The following CFAP57 variants were observed in gnomAD, a reference collection of about 807,000 sequenced individuals.
CFAP57 encodes the protein cilia and flagella associated protein 57.
In CFAP57, 116 loss-of-function variants were observed where a neutral mutation model predicts 146.8. The observed-to-expected ratio is 0.79, with a 90% CI of 0.68 to 0.92. The LOEUF (loss-of-function observed/expected upper bound fraction) is 0.92. CFAP57 is among the 40% of genes least tolerant of loss of function. The pLI is 0.00. For synonymous variants in CFAP57, 518 were observed against 552.8 expected (o/e 0.94, Z 0.88); for missense variants, 1,377 against 1,527.2 (o/e 0.90, Z 1.64).
At chr1:43,226,018 T>C (rs1236807780) in intron 17 of CFAP57, among the ~76,000 whole-genome samples, 3 of 151,830 alleles carry the variant, frequency 2.0e-5, no homozygotes, top group Non-Finnish European at 4.4e-5. Context: ...ACCAAAAATA[T>C]AAAAATTAGC....
intron 1 of CFAP57, 92 bp from the exon 2 acceptor site, chr1:43,172,643 A>T: frequency 1.1e-6 from 1 of 935,596 alleles, no homozygotes; most frequent in South Asian, 1.3e-5. Context: ...CAAGGGGAGG[A>T]GCAAAGGGCG....
intron 5 of CFAP57, 30 bp downstream of exon 5, chr1:43,185,386 A>C: frequency 1.9e-6 from 3 of 1,594,376 alleles, no homozygotes; most frequent in South Asian, 1.1e-5. Flanking sequence ...AAGAAGTAAA[A>C]TGGGGGTCCT....
intron 11 of CFAP57, among the ~76,000 whole-genome samples, chr1:43,212,918 C>T (rs11210813): frequency 0.68 from 98,620 of 144,124 alleles, 35,962 homozygotes; most frequent in Non-Finnish European, 0.83. Flanking sequence ...GCCTGGGCAA[C>T]ATAGCAGACT....
chr1:43,232,648 A>G, intron 19 of CFAP57, 24 bp downstream of exon 19: 1 of 1,490,802 alleles, frequency 6.7e-7, no homozygotes, highest in Non-Finnish European at 9.0e-7. Flanking sequence ...AGAGTCTGGC[A>G]GTTCTTGGAT....
intron 21 of CFAP57, among the ~76,000 whole-genome samples, chr1:43,236,053 G>T (rs1570299931): frequency 7.4e-6 from 1 of 134,960 alleles, no homozygotes; most frequent in Admixed American, 7.7e-5. Context: ...CTGGGCCAGG[G>T]TGGGGTAGAA....
In CFAP57 at chr1:43,234,562, G is replaced by A; in HGVS notation, c.3329G>A (p.Arg1110Lys). The change falls in exon 21 of 23, where the codon AGG becomes AAG. Residue 1110 changes from arginine to lysine, a missense_variant. Physicochemically the swap from Arg to Lys is conservative, Grantham distance 26. Transcript: ENST00000372492. ...EYTRQREHLE[R>K]NLATLKKKVV... ...ACCCGGCAGCGGGAGCACCTGGAGAGGAACCTGGCCACTCTCAAGAAGAAG... is the reference window on the plus strand; with the variant it reads ...ACCCGGCAGCGGGAGCACCTGGAGAAGAACCTGGCCACTCTCAAGAAGAAG... 5 of 1,550,504 alleles carry A rather than the reference G, an allele frequency of 3.2e-6. No homozygotes were observed. The highest frequency in any genetic ancestry group is 4.4e-6 in the Non-Finnish European group (5 of 1,146,966).
In CFAP57 at chr1:43,183,933, C is replaced by G. The variant is rs892097494; in HGVS notation, c.761+56C>G. On this transcript the variant is annotated intron_variant, in intron 4 of 22. Coordinates refer to ENST00000372492, the MANE Select transcript of CFAP57 (RefSeq NM_001378189.1). ...CATTCATTGTACTGACAGCATTATG[C>G]AGAAGACAGCACTCTTTAGAAACCA... 3.1e-5 allele frequency: 50 copies of G among 1,605,282 alleles called. No homozygotes were observed. In the African/African-American group the frequency reaches 5.1e-4, roughly 16 times the overall value.
rs1236569103 is a variant in CFAP57, at chr1:43,185,004, C to T, written c.762-145C>T. The T allele has an allele frequency of 2.0e-5, 18 of 880,364 alleles. No individual in the cohort carries two copies. The East Asian group carries it at 4.4e-4, about 21-fold the overall frequency. The allele number at this position is 880,364 out of a possible 1,614,324, so 54.5% of individuals were successfully genotyped here. A position where few individuals can be genotyped will look rare whatever the true frequency, so the allele number is the denominator to read the frequency against. ...GTGCAGTTTGTGTACGGTTCCCAAG[C>T]CAAAGGGTAGTATTTGACTGTGGAA... On this transcript the variant is annotated intron_variant, in intron 4 of 22. Transcript: ENST00000372492.
chr1:43,247,943 G>C (rs1405284386), intron 22 of CFAP57, among the ~76,000 whole-genome samples: 1 of 151,974 alleles, frequency 6.6e-6, no homozygotes, highest in Non-Finnish European at 1.5e-5. Context: ...GGCTAACATG[G>C]TGAAACCCTG....
At chr1:43,187,344 G>A in intron 6 of CFAP57, among the ~76,000 whole-genome samples, 1 of 152,108 alleles carries the variant, frequency 6.6e-6, no homozygotes, top group East Asian at 1.9e-4. Flanking sequence ...ACAATTTTAA[G>A]TTTGCATGTA....
chr1:43,211,543 C>A (rs562607870), intron 11 of CFAP57: 1 of 145,402 alleles, frequency 6.9e-6, no homozygotes, highest in East Asian at 2.0e-4. Context: ...CCACTACACT[C>A]CAGCCTGGGC....
Position 43,219,457 on chromosome 1 carries a change from G to A in CFAP57, c.2167G>A (p.Asp723Asn). Residue 723 changes from aspartate to asparagine, a missense_variant, in exon 13 of 23, where the codon GAC (aspartate) becomes AAC (asparagine). Coordinates refer to ENST00000372492, the MANE Select transcript of CFAP57 (RefSeq NM_001378189.1). ...MENEYQLRLK[D>N]MNYSEKIKEL... ...GAATGAGTATCAACTCCGACTAAAG[G>A]ACATGAACTATTCTGAGAAGATTAA... 6.4e-7 allele frequency: 1 copy of A among 1,550,566 alleles called. No homozygotes were observed.
Position 43,209,783 on chromosome 1 carries a change from C to A in CFAP57, c.1796C>A (p.Ala599Asp). 1 of 1,614,190 alleles carries A rather than the reference C, an allele frequency of 6.2e-7. No homozygotes were observed. Among genetic ancestry groups the A allele is most frequent in the Non-Finnish European group, 8.5e-7 (1 of 1,180,042 alleles). Reference protein sequence around the residue: ...EISAFDVTYTAIVISHSGRMM... With the variant: ...EISAFDVTYTDIVISHSGRMM... ...TCGGCGTTTGATGTCACCTACACCG[C>A]CATTGTCATCTCGCATTCTGGACGC... The change falls in exon 11 of 23, where the codon GCC becomes GAC. Residue 599 changes from alanine (A) to aspartate (D), a missense_variant. Coordinates refer to ENST00000372492, the MANE Select transcript of CFAP57 (RefSeq NM_001378189.1).
intron 6 of CFAP57, among the ~76,000 whole-genome samples, chr1:43,187,819 T>C (rs1049713697): frequency 6.6e-6 from 1 of 152,192 alleles, no homozygotes; most frequent in African/African-American, 2.4e-5. Flanking sequence ...TTGTTGTTGT[T>C]TTGAGACAGG....
Position 43,197,620 on chromosome 1 carries a change from C to A in CFAP57, c.1190C>A (p.Thr397Asn). ...LHSAPITGLA[T>N]CIRKPLIATC... ...TCAGCACCCATCACCGGTCTAGCTA[C>A]CTGCATCCGCAAACCCCTTATAGCC... The change falls in exon 7 of 23, where the codon ACC becomes AAC. Residue 397 changes from threonine to asparagine, a missense_variant. Thr to Asn is a moderately conservative substitution (Grantham distance 65). Coordinates refer to ENST00000372492, the MANE Select transcript of CFAP57 (RefSeq NM_001378189.1). 1 of 1,614,132 alleles carries A rather than the reference C, an allele frequency of 6.2e-7. No individual in the cohort carries two copies.
chr1:43,217,400 A>G (rs775422368), intron 12 of CFAP57, among the ~76,000 whole-genome samples: 2 of 152,138 alleles, frequency 1.3e-5, no homozygotes, highest in Admixed American at 6.5e-5. Flanking sequence ...ATTCCCATGG[A>G]TAAATATATC....
In CFAP57 at chr1:43,172,393, A is replaced by C; in HGVS notation, c.-80A>C. ...TTTGAAAGTGTCCGGGTTGCTTAGG[A>C]TCCCTACAGGTAGCGCCTCTGGATA... is the stretch of plus-strand genomic sequence containing the variant. On this transcript the variant is annotated 5_prime_UTR_variant, in exon 1 of 23. Transcript: ENST00000372492. The C allele has an allele frequency of 6.4e-7, 1 of 1,551,482 alleles. No individual in the cohort carries two copies. Among genetic ancestry groups the C allele is most frequent in the Non-Finnish European group, 8.7e-7 (1 of 1,146,966 alleles).
intron 11 of CFAP57, chr1:43,211,489 C>T (rs148671496): frequency 0.022 from 3,277 of 149,558 alleles, 61 homozygotes; most frequent in South Asian, 0.066. Context: ...GCAGGAGAAT[C>T]GCTTGAACCT....
chr1:43,226,848 C>A, intron 17 of CFAP57, 135 bp from the exon 18 acceptor site: 1 of 1,006,864 alleles, frequency 9.9e-7, no homozygotes, highest in Non-Finnish European at 1.4e-6. Context: ...TCTGTACTGA[C>A]GAAGGGAGGA....
Sources: allele counts gnomAD v4.1 joint callset (sites outside exome capture counted in the v4.1 genomes callset), GRCh38; gene constraint gnomAD v4.1.1; transcripts MANE v1.5; gene names NCBI Gene and HGNC (gene_info 2026-07-23, HGNC 2026-07-21).